Variants in RASGRP3 observed in about 807,000 individuals in gnomAD.
RASGRP3 encodes the protein ras guanyl-releasing protein 3.
In RASGRP3, 54 loss-of-function variants were observed where a neutral mutation model predicts 82.7. That is an observed-to-expected ratio of 0.65 (90% CI 0.52 to 0.82). RASGRP3 has a LOEUF of 0.82. Among genes scored for constraint, RASGRP3 ranks in the 40% least tolerant of loss-of-function variants. The pLI is 0.00. For synonymous variants in RASGRP3, 309 were observed against 300.5 expected (o/e 1.03, Z -0.29); for missense variants, 861 against 828.9 (o/e 1.04, Z -0.48).
chr2:33,460,833 A>T (rs1420633073), intron 2 of RASGRP3, among the ~76,000 whole-genome samples: 3 of 152,166 alleles, frequency 2.0e-5, no homozygotes, highest in Non-Finnish European at 2.9e-5. Context: ...GTATTTTATA[A>T]CATAAATCAC....
chr2:33,437,727 A>G (rs916235830), intron 1 of RASGRP3, among the ~76,000 whole-genome samples: 3 of 152,070 alleles, frequency 2.0e-5, no homozygotes, highest in Admixed American at 1.3e-4. Flanking sequence ...TTTAAGGGTT[A>G]TTTTTTACTG....
At chr2:33,488,182 C>A (rs940534679) in intron 1 of RASGRP3, among the ~76,000 whole-genome samples, 1 of 152,222 alleles carries the variant, frequency 6.6e-6, no homozygotes, top group Non-Finnish European at 1.5e-5. Flanking sequence ...CCACATCCTA[C>A]TACAAAACAG....
chr2:33,459,429 C>T (rs1666231384), intron 2 of RASGRP3, among the ~76,000 whole-genome samples: 1 of 152,236 alleles, frequency 6.6e-6, no homozygotes, highest in Non-Finnish European at 1.5e-5. Flanking sequence ...CCACTGCACC[C>T]AGCCAAGACT....
At chr2:33,551,491 C>G (rs892302349) in intron 14 of RASGRP3, among the ~76,000 whole-genome samples, 1 of 152,110 alleles carries the variant, frequency 6.6e-6, no homozygotes, top group Non-Finnish European at 1.5e-5. Flanking sequence ...AGCCAAAAGT[C>G]AGGATGATGC....
At chr2:33,501,899 C>G (rs1249994959) in intron 1 of RASGRP3, among the ~76,000 whole-genome samples, 1 of 152,180 alleles carries the variant, frequency 6.6e-6, no homozygotes, top group Non-Finnish European at 1.5e-5. Flanking sequence ...AGAAGTACTA[C>G]ACTGCGGCTA....
At chr2:33,501,249 G>A (rs900419762) in intron 1 of RASGRP3, among the ~76,000 whole-genome samples, 1 of 152,164 alleles carries the variant, frequency 6.6e-6, no homozygotes, top group Non-Finnish European at 1.5e-5. Context: ...GCATGTATCA[G>A]TACCTTGTTC....
At chr2:33,472,664 T>C (rs1667125974), upstream of RASGRP3, among the ~76,000 whole-genome samples, 1 of 151,884 alleles carries the variant, frequency 6.6e-6, no homozygotes, top group South Asian at 2.1e-4. Context: ...TTGGGACAAA[T>C]AGAGCCAAAA....
intron 3 of RASGRP3, 129 bp from the exon 4 acceptor site, chr2:33,516,413 A>G: frequency 1.6e-6 from 1 of 620,528 alleles, no homozygotes; most frequent in Non-Finnish European, 2.8e-6. Context: ...TCTTAAAAAG[A>G]AATAAAATAA....
At chr2:33,471,834 A>G (rs1031076857), upstream of RASGRP3, among the ~76,000 whole-genome samples, 1 of 152,076 alleles carries the variant, frequency 6.6e-6, no homozygotes, top group Non-Finnish European at 1.5e-5. Context: ...TGGTATTCTC[A>G]TCACTGAAAC....
At chr2:33,463,941 C>T (rs1330315383) in intron 2 of RASGRP3, among the ~76,000 whole-genome samples, 2 of 151,668 alleles carry the variant, frequency 1.3e-5, no homozygotes, top group Non-Finnish European at 2.9e-5. Flanking sequence ...CCTCATTTTA[C>T]CATGCTGTGC....
At chr2:33,541,509 T>C (rs1359255761) in intron 12 of RASGRP3, among the ~76,000 whole-genome samples, 2 of 147,252 alleles carry the variant, frequency 1.4e-5, no homozygotes, top group South Asian at 2.2e-4. Flanking sequence ...TTTACGTCAC[T>C]AACTTGATAC....
At chr2:33,537,932 A>AGAG (rs1361102513) in intron 11 of RASGRP3, among the ~76,000 whole-genome samples, 2 of 152,336 alleles carry the variant, frequency 1.3e-5, no homozygotes, top group South Asian at 2.1e-4. Flanking sequence ...AGAGGGCCAG[A>AGAG]GAGACCTAAT....
chr2:33,466,375 G>A (rs1666695302), intron 2 of RASGRP3, among the ~76,000 whole-genome samples: 1 of 152,156 alleles, frequency 6.6e-6, no homozygotes, highest in South Asian at 2.1e-4. Flanking sequence ...GACTTTGAGG[G>A]GTTTAAGATT....
chr2:33,463,354 T>C (rs934440565), intron 2 of RASGRP3, among the ~76,000 whole-genome samples: 5 of 152,252 alleles, frequency 3.3e-5, no homozygotes, highest in East Asian at 1.9e-4. Flanking sequence ...AATGCATTTA[T>C]GCTAAAGCTA....
At chr2:33,464,180 G>A (rs917267283) in intron 2 of RASGRP3, among the ~76,000 whole-genome samples, 34 of 143,548 alleles carry the variant, frequency 2.4e-4, no homozygotes, top group Non-Finnish European at 3.9e-4. Flanking sequence ...GTGCAGTGGC[G>A]CTATCTTGGC....
chr2:33,486,160 AT>A lies in RASGRP3; in HGVS notation c.-261+9456del, dbSNP rs574289860. Reference sequence around the variant, plus strand: ...TTCTTTTCTTTTCTTTCTTTCTTTTATTTATTTTTTTTTTTTTTGAGAGAGA... The same window carrying A: ...TTCTTTTCTTTTCTTTCTTTCTTTTATTATTTTTTTTTTTTTTGAGAGAGA... On this transcript the variant is annotated intron_variant, in intron 1 of 17. Coordinates refer to ENST00000403687, the MANE Select transcript of RASGRP3 (RefSeq NM_001139488.2). Among the ~76,000 whole-genome samples, 898 of 109,104 alleles carry A rather than the reference AT, an allele frequency of 8.2e-3. 12 individuals carry two copies. Among genetic ancestry groups the A allele is most frequent in the African/African-American group, 0.032 (860 of 26,844 alleles). The allele number at this position is 109,104 out of a possible 152,430, so 71.6% of individuals were successfully genotyped here. A position where few individuals can be genotyped will look rare whatever the true frequency, so the allele number is the denominator to read the frequency against.
chr2:33,495,361 C>T (rs1382511120), intron 1 of RASGRP3, among the ~76,000 whole-genome samples: 1 of 152,164 alleles, frequency 6.6e-6, no homozygotes. Flanking sequence ...AACTTAGATT[C>T]ATTGTTTGTG....
In RASGRP3 at chr2:33,489,160, G is replaced by A. The variant is rs757439173; in HGVS notation, c.-261+12453G>A. 2.6e-5 allele frequency among the ~76,000 whole-genome samples: 4 copies of A among 152,148 alleles called. No individual in the cohort carries two copies. The South Asian group carries it at 8.3e-4, about 32-fold the overall frequency. On this transcript the variant is annotated intron_variant, in intron 1 of 17. Transcript: ENST00000403687. ...CTGCTAAACATCCCAAAATGCTCAC[G>A]ACAGCCCTGCATGACAATCAATTAT...
intron 1 of RASGRP3, among the ~76,000 whole-genome samples, chr2:33,489,974 G>A (rs1017287846): frequency 3.9e-5 from 6 of 152,200 alleles, no homozygotes; most frequent in South Asian, 2.1e-4. Flanking sequence ...AGAACTGAGG[G>A]CATCAGAGCA....
Sources: gnomAD v4.1 joint callset for allele counts (sites outside exome capture counted in the v4.1 genomes callset) on GRCh38, gnomAD v4.1.1 for gene constraint, MANE v1.5 for transcripts, NCBI Gene and HGNC (gene_info 2026-07-23, HGNC 2026-07-21) for gene names.